The following MTSS1 variants were observed in gnomAD, a reference collection of about 807,000 sequenced individuals.
MTSS1 encodes MTSS I-BAR domain containing 1, also known as protein MTSS 1.
Under a neutral mutation model 79.0 loss-of-function variants are expected in MTSS1, and 18 were observed. That is an observed-to-expected ratio of 0.23 (90% confidence interval 0.16 to 0.34). The LOEUF (loss-of-function observed/expected upper bound fraction) is 0.34. Among genes scored for constraint, MTSS1 ranks in the 10% least tolerant of loss-of-function variants. MTSS1 has a pLI of 1.00. For synonymous variants in MTSS1, 341 were observed against 368.6 expected, an observed-to-expected ratio of 0.93 and a Z score of 0.86; for missense variants, 815 against 986.2, an observed-to-expected ratio of 0.83 and a Z score of 2.33.
intron 6 of MTSS1, among the ~76,000 whole-genome samples, chr8:124,572,987 T>C (rs573859717): frequency 6.6e-6 from 1 of 152,324 alleles, no homozygotes; most frequent in African/African-American, 2.4e-5. Context: ...CCTCAAGTGA[T>C]CCACCTGCCT....
At chr8:124,717,660 T>C (rs958572464) in intron 1 of MTSS1, among the ~76,000 whole-genome samples, 7 of 151,998 alleles carry the variant, frequency 4.6e-5, no homozygotes, top group East Asian at 3.9e-4. Flanking sequence ...CGCCACTGCA[T>C]ACTCCGGTCT....
chr8:124,627,673 C>T (rs1055968528), intron 3 of MTSS1, among the ~76,000 whole-genome samples: 6 of 152,030 alleles, frequency 3.9e-5, no homozygotes, highest in Admixed American at 6.5e-5. Context: ...CCAGGGGTGG[C>T]GGGGGGGTCC....
At chr8:124,677,696 T>G (rs763532362) in intron 3 of MTSS1, among the ~76,000 whole-genome samples, 1 of 152,158 alleles carries the variant, frequency 6.6e-6, no homozygotes. Context: ...TCTTTATTTA[T>G]AGGGGAGGGA....
At chr8:124,719,067 A>G (rs963535238) in intron 1 of MTSS1, among the ~76,000 whole-genome samples, 1 of 152,158 alleles carries the variant, frequency 6.6e-6, no homozygotes, top group Non-Finnish European at 1.5e-5. Flanking sequence ...CAGAATCTAA[A>G]ATGCTAGGCT....
At chr8:124,693,784 C>G (rs970885010) in intron 3 of MTSS1, among the ~76,000 whole-genome samples, 1 of 152,182 alleles carries the variant, frequency 6.6e-6, no homozygotes, top group African/African-American at 2.4e-5. Context: ...CCTCCACTTC[C>G]TTTGTACTCA....
At chr8:124,646,957 C>T (rs1336336139) in intron 3 of MTSS1, among the ~76,000 whole-genome samples, 1 of 152,154 alleles carries the variant, frequency 6.6e-6, no homozygotes, top group African/African-American at 2.4e-5. Context: ...ATGGTCCTCC[C>T]ACCTCAGCCT....
intron 5 of MTSS1, among the ~76,000 whole-genome samples, chr8:124,587,169 C>T (rs1018020549): frequency 2.0e-5 from 3 of 152,162 alleles, no homozygotes; most frequent in Admixed American, 1.3e-4. Context: ...AGGGCAGGGG[C>T]CTGGCCGGAT....
At chr8:124,571,592 G>A (rs1008489739) in intron 6 of MTSS1, among the ~76,000 whole-genome samples, 4 of 152,116 alleles carry the variant, frequency 2.6e-5, no homozygotes, top group African/African-American at 4.8e-5. Flanking sequence ...AACAGAAGTC[G>A]GGAGACACCA....
intron 3 of MTSS1, among the ~76,000 whole-genome samples, chr8:124,662,602 C>T (rs534161268): frequency 4.6e-5 from 7 of 151,918 alleles, no homozygotes; most frequent in Admixed American, 1.3e-4. Flanking sequence ...TCTAGACATA[C>T]GTACTGTCAA....
rs184276579 is a variant in MTSS1 at position 124,589,626 on chromosome 8, C to T, written c.379G>A (p.Ala127Thr). Residue 127 changes from alanine (A) to threonine (T), a missense_variant, in exon 5 of 14, where the codon GCA becomes ACA. Coordinates refer to ENST00000518547, the MANE Select transcript of MTSS1 (RefSeq NM_014751.6). ...KVANQLDKDH[A>T]KEYKKARQEI... The stretch of plus-strand genomic sequence containing the variant: ...AGACATCTCGCCCCTGTACCTTTTG[C>T]GTGGTCTTTATCCAGCTGGTTGGCC... 60 of 1,612,786 alleles carry T rather than the reference C, an allele frequency of 3.7e-5. No homozygotes were observed. Among genetic ancestry groups the T allele is most frequent in the African/African-American group, 4.0e-5 (3 of 74,976 alleles).
intron 5 of MTSS1, among the ~76,000 whole-genome samples, 179 bp downstream of exon 5, chr8:124,589,441 G>T (rs904344419): frequency 5.9e-5 from 9 of 152,288 alleles, no homozygotes; most frequent in Admixed American, 1.3e-4. Flanking sequence ...CTCACAACGG[G>T]ATCACTTTGT....
rs1202878878 is a variant in MTSS1, at chr8:124,727,545, G to A, written c.72+339C>T. 2.0e-6 allele frequency: 1 copy of A among 490,460 alleles called. No individual in the cohort carries two copies. Among genetic ancestry groups the A allele is most frequent in the Non-Finnish European group, 4.0e-6 (1 of 249,906 alleles). 30.4% of individuals were successfully genotyped at this position (490,460 alleles called of 1,614,324 possible). The stretch of plus-strand genomic sequence containing the variant: ...TCCTCCCGGGCATCCAGCCCCCGCG[G>A]GTCCCAGACACTTACTTCAGGGACA... On this transcript the variant is annotated intron_variant, in intron 1 of 13. Coordinates refer to ENST00000518547, the MANE Select transcript of MTSS1 (RefSeq NM_014751.6). The surrounding 1 kb of genome is among the most constrained non-coding windows in gnomAD (Gnocchi z 4.7).
chr8:124,563,113 G>A, intron 9 of MTSS1, 121 bp from the exon 10 acceptor site: 1 of 814,444 alleles, frequency 1.2e-6, no homozygotes, highest in Non-Finnish European at 1.9e-6. Flanking sequence ...ACAACATAAT[G>A]CAATTAGCTC....
intron 3 of MTSS1, among the ~76,000 whole-genome samples, chr8:124,633,468 G>C (rs944728112): frequency 1.3e-5 from 2 of 152,126 alleles, no homozygotes; most frequent in Non-Finnish European, 2.9e-5. Context: ...TCCATTCTCA[G>C]TAGGTGAAAA....
intron 1 of MTSS1, among the ~76,000 whole-genome samples, chr8:124,705,191 C>T (rs1468872661): frequency 1.3e-5 from 2 of 152,174 alleles, no homozygotes; most frequent in Non-Finnish European, 2.9e-5. Context: ...GAACTAAGGG[C>T]CGGGCGCCAT....
chr8:124,728,365 A>G lies in MTSS1; in HGVS notation c.-410T>C, dbSNP rs1834029514. The G allele has an allele frequency of 6.5e-6, 1 of 153,542 alleles. No homozygotes were observed. Among genetic ancestry groups the G allele is most frequent in the Non-Finnish European group, 1.4e-5 (1 of 69,170 alleles). 9.5% of individuals were successfully genotyped at this position (153,542 alleles called of 1,614,324 possible). A position where few individuals can be genotyped will look rare whatever the true frequency, so the allele number is the denominator to read the frequency against. Reference sequence around the variant, plus strand: ...ATAAATTTTTCTGCAATTAAAAAAAAATCGCCCAACAGCAGAGCGGGTCAG... The same window carrying G: ...ATAAATTTTTCTGCAATTAAAAAAAGATCGCCCAACAGCAGAGCGGGTCAG... On this transcript the variant is annotated 5_prime_UTR_variant, in exon 1 of 14. Transcript: ENST00000518547. The surrounding 1 kb of genome is among the most constrained non-coding windows in gnomAD (Gnocchi z 6.1).
intron 1 of MTSS1, among the ~76,000 whole-genome samples, chr8:124,715,326 T>C (rs1217889433): frequency 2.0e-5 from 3 of 152,190 alleles, no homozygotes; most frequent in Non-Finnish European, 4.4e-5. Flanking sequence ...CTTTTTTATG[T>C]TCTTTTCTTT....
chr8:124,698,346 A>C (rs1200083029), intron 3 of MTSS1, among the ~76,000 whole-genome samples: 1 of 152,146 alleles, frequency 6.6e-6, no homozygotes, highest in African/African-American at 2.4e-5. Context: ...GACAATGAAA[A>C]GAACAGGCCT....
intron 3 of MTSS1, among the ~76,000 whole-genome samples, chr8:124,647,866 TG>T (rs1159425761): frequency 6.6e-6 from 1 of 152,194 alleles, no homozygotes; most frequent in Non-Finnish European, 1.5e-5. Flanking sequence ...CAAGAACCTC[TG>T]GAGCCACCTA....
Sources: allele counts gnomAD v4.1 joint callset (sites outside exome capture counted in the v4.1 genomes callset), GRCh38; gene constraint gnomAD v4.1.1; non-coding constraint Gnocchi (gnomAD v3.1); transcripts MANE v1.5; gene names NCBI Gene and HGNC (gene_info 2026-07-23, HGNC 2026-07-21).